Variants in PRKG1 observed in about 807,000 individuals in gnomAD.
The protein encoded by PRKG1 is protein kinase cGMP-dependent 1.
In PRKG1, 35 loss-of-function variants were observed where a neutral mutation model predicts 88.1. The ratio of observed to expected loss-of-function variants is 0.40; its 90% confidence interval spans 0.30 to 0.53. The LOEUF is 0.53. Among genes scored for constraint, PRKG1 ranks in the 20% least tolerant of loss-of-function variants. The pLI is 0.59. For missense variants in PRKG1, 540 were observed against 839.8 expected (o/e 0.64, Z 4.41); for synonymous variants, 303 against 292.5 (o/e 1.04, Z -0.37).
chr10:51,170,347 C>G (rs1325004458), intron 2 of PRKG1, among the ~76,000 whole-genome samples: 1 of 151,746 alleles, frequency 6.6e-6, no homozygotes, highest in Non-Finnish European at 1.5e-5. Flanking sequence ...GGCTTGTGGT[C>G]ATTTCTCTGC....
At chr10:51,147,472 C>A (rs1417921485) in intron 1 of PRKG1, among the ~76,000 whole-genome samples, 1 of 151,982 alleles carries the variant, frequency 6.6e-6, no homozygotes, top group East Asian at 1.9e-4. Flanking sequence ...AAGTTACCAT[C>A]TGAATGACAT....
chr10:51,330,686 A>T (rs1250286892), intron 2 of PRKG1, among the ~76,000 whole-genome samples: 1 of 146,196 alleles, frequency 6.8e-6, no homozygotes, highest in Non-Finnish European at 1.5e-5. Context: ...CTTTTTTCAA[A>T]TCCTGTATTA....
chr10:52,255,867 T>G (rs1841295110), intron 10 of PRKG1, among the ~76,000 whole-genome samples: 2 of 152,034 alleles, frequency 1.3e-5, no homozygotes, highest in South Asian at 4.1e-4. Flanking sequence ...TATTATTTCT[T>G]TAATAAAATA....
chr10:52,115,239 GT>G (rs146497487), intron 7 of PRKG1, among the ~76,000 whole-genome samples: 24 of 151,070 alleles, frequency 1.6e-4, no homozygotes, highest in Admixed American at 1.2e-3. Context: ...TGGTAATCCT[GT>G]TTTTTTTTAA....
intron 2 of PRKG1, among the ~76,000 whole-genome samples, chr10:51,281,548 C>T (rs186767344): frequency 2.4e-3 from 368 of 152,238 alleles, no homozygotes; most frequent in African/African-American, 7.5e-3. Context: ...GTAAACAAAG[C>T]GGCCTGGAAG....
At chr10:51,552,485 C>A (rs1334867420) in intron 3 of PRKG1, among the ~76,000 whole-genome samples, 1 of 151,560 alleles carries the variant, frequency 6.6e-6, no homozygotes, top group Non-Finnish European at 1.5e-5. Flanking sequence ...CATATAGTAG[C>A]TAGATCATGA....
Position 51,710,325 on chromosome 10 carries a change from G to C in PRKG1, c.593-94260G>C, listed in dbSNP as rs7898390. Reference sequence around the variant, plus strand: ...TATAGAAAATGAAAATGTAACTGCTGTTCATCCATTGACCCTCTTTCTGAG... The same window carrying C: ...TATAGAAAATGAAAATGTAACTGCTCTTCATCCATTGACCCTCTTTCTGAG... On this transcript the variant is annotated intron_variant, in intron 3 of 17. Transcript: ENST00000373980. Among the ~76,000 whole-genome samples, 845 of 152,196 alleles carry C rather than the reference G, an allele frequency of 5.6e-3. 8 individuals are homozygous for C. Among genetic ancestry groups the C allele is most frequent in the African/African-American group, 0.019 (773 of 41,528 alleles).
intron 8 of PRKG1, among the ~76,000 whole-genome samples, chr10:52,137,033 G>A (rs1837443238): frequency 6.6e-6 from 1 of 152,062 alleles, no homozygotes; most frequent in Admixed American, 6.6e-5. Flanking sequence ...AAAGCCTGCT[G>A]CTGATATCTA....
At chr10:51,564,970 G>A (rs1170259063) in intron 3 of PRKG1, among the ~76,000 whole-genome samples, 1 of 151,688 alleles carries the variant, frequency 6.6e-6, no homozygotes, top group Non-Finnish European at 1.5e-5. Flanking sequence ...TTTTTGCTTT[G>A]TTGAATAGTT....
chr10:51,452,032 C>A (rs545363810), intron 2 of PRKG1, among the ~76,000 whole-genome samples: 1 of 151,948 alleles, frequency 6.6e-6, no homozygotes, highest in African/African-American at 2.4e-5. Context: ...CTGTGCTAAT[C>A]TTTATTTTTA....
chr10:51,787,492 G>T (rs190313498), intron 3 of PRKG1, among the ~76,000 whole-genome samples: 1 of 152,252 alleles, frequency 6.6e-6, no homozygotes, highest in Non-Finnish European at 1.5e-5. Flanking sequence ...ACCCAGCATG[G>T]TAGTTCCCCA....
intron 3 of PRKG1, among the ~76,000 whole-genome samples, chr10:51,742,792 C>G (rs79560952): frequency 2.6e-5 from 4 of 151,960 alleles, no homozygotes; most frequent in Non-Finnish European, 4.4e-5. Flanking sequence ...TAAATGAAGC[C>G]ATGAGTATGG....
At chr10:51,872,075 C>T (rs1460962578) in intron 4 of PRKG1, among the ~76,000 whole-genome samples, 2 of 152,170 alleles carry the variant, frequency 1.3e-5, no homozygotes, top group South Asian at 4.1e-4. Context: ...AATCCTGGCC[C>T]ATTCTTCATT....
At chr10:52,241,027 G>C (rs2132378125) in intron 9 of PRKG1, among the ~76,000 whole-genome samples, 1 of 152,248 alleles carries the variant, frequency 6.6e-6, no homozygotes, top group African/African-American at 2.4e-5. Flanking sequence ...TATCGAGTCT[G>C]TTTTTCACAC....
chr10:51,987,036 T>C (rs1376441025), intron 5 of PRKG1, among the ~76,000 whole-genome samples: 2 of 152,178 alleles, frequency 1.3e-5, no homozygotes, highest in Non-Finnish European at 2.9e-5. Context: ...TCTTTGAGTA[T>C]ATATTTTTGA....
chr10:52,233,261 A>G (rs952108171), intron 9 of PRKG1, among the ~76,000 whole-genome samples: 1 of 151,952 alleles, frequency 6.6e-6, no homozygotes, highest in Non-Finnish European at 1.5e-5. Flanking sequence ...TCTGAAAACT[A>G]TGTGGGAAAA....
intron 14 of PRKG1, among the ~76,000 whole-genome samples, chr10:52,287,738 A>C (rs1442898260): frequency 6.6e-6 from 1 of 151,522 alleles, no homozygotes; most frequent in East Asian, 1.9e-4. Flanking sequence ...GATCTGGCTC[A>C]TGAGGGCTGG....
chr10:51,803,606 C>T (rs1375322221), intron 3 of PRKG1, among the ~76,000 whole-genome samples: 1 of 152,090 alleles, frequency 6.6e-6, no homozygotes, highest in East Asian at 1.9e-4. Context: ...AACTGTGAAG[C>T]AGAGAAAATT....
chr10:51,944,959 T>G (rs1215743840), intron 5 of PRKG1, among the ~76,000 whole-genome samples: 1 of 151,588 alleles, frequency 6.6e-6, no homozygotes, highest in Non-Finnish European at 1.5e-5. Flanking sequence ...GTTCTGTAGA[T>G]GTCTATTAGG....
Sources: allele counts gnomAD v4.1 joint callset (sites outside exome capture counted in the v4.1 genomes callset), GRCh38; gene constraint gnomAD v4.1.1; transcripts MANE v1.5; gene names NCBI Gene and HGNC (gene_info 2026-07-23, HGNC 2026-07-21).